The following LRRC37B variants were observed in gnomAD, a reference collection of about 807,000 sequenced individuals.
LRRC37B encodes the protein leucine-rich repeat-containing protein 37B.
In LRRC37B, 28 loss-of-function variants were observed where a neutral mutation model predicts 98.3. That is an observed-to-expected ratio of 0.28 (90% CI 0.21 to 0.39). The LOEUF (loss-of-function observed/expected upper bound fraction) is 0.39, where lower values mean the gene tolerates loss of function less well. Ranked by LOEUF, LRRC37B falls within the 10% of genes least tolerant of loss-of-function variation. The probability of loss-of-function intolerance (pLI) is 1.00; values close to 1 mark genes in which losing one functional copy is unlikely to be tolerated. For missense variants in LRRC37B, 938 were observed against 1,182.7 expected (o/e 0.79, Z 3.03); for synonymous variants, 364 against 442.7 (o/e 0.82, Z 2.23).
chr17:32,045,332 G>A (rs1228570215), intron 7 of LRRC37B, among the ~76,000 whole-genome samples: 2 of 151,998 alleles, frequency 1.3e-5, no homozygotes, highest in South Asian at 4.2e-4. Flanking sequence ...ATTGAGAAAG[G>A]GCCTTCAGAA....
At chr17:32,049,790 C>A (rs533110042) in intron 10 of LRRC37B, among the ~76,000 whole-genome samples, 114 of 151,974 alleles carry the variant, frequency 7.5e-4, no homozygotes, top group Non-Finnish European at 1.3e-3. Flanking sequence ...TCACCTGAGC[C>A]CAGGGAGGTC....
At chr17:32,037,631 AG>A (rs1458787168) in intron 7 of LRRC37B, among the ~76,000 whole-genome samples, 1 of 152,218 alleles carries the variant, frequency 6.6e-6, no homozygotes, top group East Asian at 1.9e-4. Context: ...CTAGATGTGT[AG>A]TGGAATCTCA....
chr17:32,048,422 C>T (rs986044015), intron 9 of LRRC37B, among the ~76,000 whole-genome samples: 3 of 150,048 alleles, frequency 2.0e-5, no homozygotes, highest in Non-Finnish European at 4.4e-5. Flanking sequence ...CTACACCAAG[C>T]CTTCATTCAC....
At chr17:32,050,242 T>C (rs774491508) in intron 11 of LRRC37B, 135 bp downstream of exon 14, 1 of 680,850 alleles carries the variant, frequency 1.5e-6, no homozygotes, top group South Asian at 1.5e-5. Flanking sequence ...AGGTGTGCTT[T>C]GTTCTTTTAC....
Position 32,022,779 on chromosome 17 carries a change from G to A in LRRC37B, c.1714G>A (p.Val572Met), listed in dbSNP as rs762135202. ...CAGCCCAAAGCAGAGGCTCCGCCAA[G>A]TGCCTGTGCCAGAGCCCGACACCTA... Residue 572 changes from valine (V) to methionine (M), a missense_variant, in exon 1 of 12, where the codon GTG (valine) becomes ATG (methionine). Transcript: ENST00000327564. 4 of 1,613,876 alleles carry A rather than the reference G, an allele frequency of 2.5e-6. No individual in the cohort carries two copies. In the East Asian group the frequency reaches 8.9e-5, roughly 36 times the overall value.
intron 11 of LRRC37B, 112 bp downstream of exon 14, chr17:32,050,219 T>C (rs768713099): frequency 2.8e-6 from 2 of 713,436 alleles, no homozygotes; most frequent in Admixed American, 4.0e-5. Flanking sequence ...TCTTCTTCTG[T>C]CATTTAAGGC....
At chr17:32,049,458 C>G in intron 10 of LRRC37B, 64 bp downstream of exon 13, 4 of 1,518,270 alleles carry the variant, frequency 2.6e-6, no homozygotes. Context: ...CAGGAGAGTG[C>G]CCACATAGGA....
intron 1 of LRRC37B, 63 bp from the exon 5 acceptor site, chr17:32,024,648 T>C: frequency 1.2e-6 from 2 of 1,605,286 alleles, no homozygotes; most frequent in Non-Finnish European, 1.7e-6. Flanking sequence ...GCCATGATTC[T>C]TTTATTTATC....
intron 7 of LRRC37B, chr17:32,045,449 C>T (rs1270453588): frequency 4.6e-6 from 2 of 438,438 alleles, no homozygotes; most frequent in South Asian, 3.2e-5. Flanking sequence ...ATTTAAACTA[C>T]TGATCAGTGT....
chr17:32,010,864 A>G (rs576278641), intron 1 of LRRC37B, among the ~76,000 whole-genome samples: 2 of 152,292 alleles, frequency 1.3e-5, no homozygotes, highest in African/African-American at 2.4e-5. Context: ...TCTCTCACAT[A>G]TGAATGAGAA....
chr17:32,039,470 C>T (rs1348664643), intron 7 of LRRC37B, among the ~76,000 whole-genome samples: 2 of 96,932 alleles, frequency 2.1e-5, no homozygotes, highest in African/African-American at 3.9e-5. Context: ...GAGCAAGAAC[C>T]TGCCTAAAAA....
chr17:32,018,354 G>C (rs375453467), upstream of LRRC37B, among the ~76,000 whole-genome samples: 2 of 152,056 alleles, frequency 1.3e-5, no homozygotes, highest in South Asian at 4.1e-4. Flanking sequence ...AAAACTCAAG[G>C]GTCAGATAAC....
At position 32,011,217 on chromosome 17, in the gene LRRC37B, G is replaced by A. The variant is rs139191560; in HGVS notation, c.-191+3085G>A. 2.2e-3 allele frequency among the ~76,000 whole-genome samples: 338 copies of A among 152,026 alleles called. 2 individuals carry two copies. Among genetic ancestry groups the A allele is most frequent in the African/African-American group, 7.5e-3 (313 of 41,466 alleles). On this transcript the variant is annotated intron_variant, in intron 1 of 14. Coordinates refer to the LRRC37B transcript ENST00000543378. Reference sequence around the variant, plus strand: ...TCACTATGTTAGCCAGTCAGTTCTCGAACCCCTGACCTCGTGATCCGCCTG... The same window carrying A: ...TCACTATGTTAGCCAGTCAGTTCTCAAACCCCTGACCTCGTGATCCGCCTG...
At chr17:32,038,857 CAAAAAAAT>C (rs1346620621) in intron 7 of LRRC37B, among the ~76,000 whole-genome samples, 1 of 151,662 alleles carries the variant, frequency 6.6e-6, no homozygotes, top group African/African-American at 2.4e-5. Flanking sequence ...GACTCTGTCT[CAAAAAAAT>C]AAAGAAAGAA....
intron 7 of LRRC37B, chr17:32,036,269 A>T (rs1401786851): frequency 6.6e-6 from 1 of 152,314 alleles, no homozygotes; most frequent in Admixed American, 6.5e-5. Context: ...CCAAAGTGCT[A>T]GGTGTGAGCC....
At chr17:32,048,247 A>C (rs2142262574) in intron 9 of LRRC37B, among the ~76,000 whole-genome samples, 1 of 151,900 alleles carries the variant, frequency 6.6e-6, no homozygotes. Context: ...GCATCCAGGA[A>C]AGGCACTTCA....
chr17:32,026,338 A>G (rs1910951852), intron 2 of LRRC37B, among the ~76,000 whole-genome samples: 1 of 152,190 alleles, frequency 6.6e-6, no homozygotes, highest in Non-Finnish European at 1.5e-5. Context: ...AATATGGTGA[A>G]ACCCCATCTC....
At chr17:32,049,527 G>A (rs1598215645) in intron 10 of LRRC37B, 133 bp downstream of exon 13, 1 of 748,226 alleles carries the variant, frequency 1.3e-6, no homozygotes, top group South Asian at 1.9e-5. Context: ...CCATGACAGT[G>A]ATCTCCCACT....
At chr17:32,037,698 A>C (rs1023097085) in intron 7 of LRRC37B, among the ~76,000 whole-genome samples, 6 of 152,208 alleles carry the variant, frequency 3.9e-5, no homozygotes, top group Non-Finnish European at 7.3e-5. Context: ...TCATGTGCAA[A>C]TATCTTCTTT....
Sources: gnomAD v4.1 joint callset for allele counts (sites outside exome capture counted in the v4.1 genomes callset) on GRCh38, gnomAD v4.1.1 for gene constraint, MANE v1.5 for transcripts, NCBI Gene and HGNC (gene_info 2026-07-23, HGNC 2026-07-21) for gene names.